VBP1: variants seen among roughly 807,000 people sequenced by gnomAD.
VBP1 encodes the protein VHL binding protein 1.
VBP1 carries 4 observed loss-of-function variants against 15.5 expected under a neutral mutation model. The ratio of observed to expected loss-of-function variants is 0.26; its 90% CI spans 0.13 to 0.59. The LOEUF is 0.59. Ranked by LOEUF, VBP1 falls within the 20% of genes least tolerant of loss-of-function variation. VBP1 has a pLI of 0.90. For missense variants in VBP1, 108 were observed against 139.6 expected, an observed-to-expected ratio of 0.77 and a Z score of 1.14; for synonymous variants, 61 against 52.1, an observed-to-expected ratio of 1.17 and a Z score of -0.74.
chrX:155,223,816 C>T (rs1273305788), intron 2 of VBP1, among the ~76,000 whole-genome samples: 3 of 104,651 alleles, frequency 2.9e-5, no homozygotes, highest in African/African-American at 1.1e-4. Flanking sequence ...GGCGGCTGGC[C>T]GGGCGGGGGC....
Position 155,227,357 on chromosome X carries a change from C to T in VBP1, c.285+56C>T, listed in dbSNP as rs979088294. 7 of 920,553 alleles carry T rather than the reference C, an allele frequency of 7.6e-6. No individual in the cohort carries two copies. In the African/African-American group the frequency reaches 8.3e-5, roughly 11 times the overall value. 75.9% of individuals were successfully genotyped at this position (920,553 alleles called of 1,213,427 possible). ...AAGCTAGGATATGTCAGCAGAAACT[C>T]GTCTTCTTTGACTCTTTGGTCACTG... is the stretch of plus-strand genomic sequence containing the variant. On this transcript the variant is annotated intron_variant, in intron 3 of 5. Coordinates refer to ENST00000286428, the MANE Select transcript of VBP1 (RefSeq NM_003372.7).
At chrX:155,234,142 A>G (rs1357530863) in intron 4 of VBP1, among the ~76,000 whole-genome samples, 2 of 67,486 alleles carry the variant, frequency 3.0e-5, no homozygotes, top group Admixed American at 2.3e-4. Flanking sequence ...TTTTTTTGAG[A>G]CAGAGTCTTG....
At chrX:155,200,815 C>T (rs1307365570) in intron 1 of VBP1, among the ~76,000 whole-genome samples, 1 of 110,567 alleles carries the variant, frequency 9.0e-6, no homozygotes, top group Non-Finnish European at 1.9e-5. Context: ...GTTAATGAAT[C>T]CAGGAGATGG....
At chrX:155,230,326 T>G (rs2074739538) in intron 4 of VBP1, among the ~76,000 whole-genome samples, 1 of 111,881 alleles carries the variant, frequency 8.9e-6, no homozygotes, top group South Asian at 3.8e-4. Context: ...TCTGAGCTAC[T>G]GGGGGTTAGT....
rs1557307385 is a variant in VBP1, at chrX:155,201,212, A to G, written c.-31+4073A>G. On this transcript the variant is annotated intron_variant, in intron 1 of 6. Transcript: ENST00000535916. ...AGGAACTGGTACCATTCCTTCTGAA[A>G]CTATTCCAATCAATAGAAAAAGAAG... 2.7e-5 allele frequency among the ~76,000 whole-genome samples: 3 copies of G among 110,691 alleles called. No individual in the cohort carries two copies. The South Asian group carries it at 1.2e-3, about 43-fold the overall frequency.
chrX:155,204,289 G>A (rs2074618652), intron 1 of VBP1, among the ~76,000 whole-genome samples: 1 of 110,851 alleles, frequency 9.0e-6, no homozygotes, highest in Admixed American at 9.6e-5. Flanking sequence ...GGTAGCTGGG[G>A]TTACAGGCGT....
rs188689402 is a variant in VBP1, at chrX:155,239,297, C to G, written c.*455C>G. 1 of 112,536 alleles carries G rather than the reference C, an allele frequency of 8.9e-6. No homozygotes were observed. The highest frequency in any genetic ancestry group is 3.2e-5 in the African/African-American group (1 of 30,847). The allele number at this position is 112,536 out of a possible 1,213,427, so 9.3% of individuals were successfully genotyped here. On this transcript the variant is annotated 3_prime_UTR_variant, in exon 6 of 6. Transcript: ENST00000286428. Reference sequence around the variant, plus strand: ...TTTAGGACTTAGTGGTCCTCTGTTGCTATTGTCTTCTATAAGTGGAGTTTC... The same window carrying G: ...TTTAGGACTTAGTGGTCCTCTGTTGGTATTGTCTTCTATAAGTGGAGTTTC...
At chrX:155,231,992 A>G (rs1255171694) in intron 4 of VBP1, among the ~76,000 whole-genome samples, 14 of 112,134 alleles carry the variant, frequency 1.2e-4, no homozygotes, top group African/African-American at 4.2e-4. Context: ...TAACATGTTG[A>G]TGGATACTAT....
chrX:155,222,204 C>T (rs1195166213), intron 2 of VBP1, among the ~76,000 whole-genome samples: 4 of 112,620 alleles, frequency 3.6e-5, no homozygotes, highest in Non-Finnish European at 5.6e-5. Flanking sequence ...TGCCTTGGGG[C>T]GGGGTGCAGT....
chrX:155,213,925 A>G (rs1008559413), upstream of VBP1, among the ~76,000 whole-genome samples: 22 of 112,360 alleles, frequency 2.0e-4, no homozygotes, highest in African/African-American at 6.5e-4. Flanking sequence ...CCAACTCGAC[A>G]TGGATTGAAA....
At chrX:155,204,067 T>A (rs967827616) in intron 1 of VBP1, among the ~76,000 whole-genome samples, 5 of 112,264 alleles carry the variant, frequency 4.5e-5, no homozygotes, top group Admixed American at 9.4e-5. Flanking sequence ...CTTGTTTTAT[T>A]TAGGCTCTGC....
At chrX:155,202,230 T>A (rs1252553861) in intron 1 of VBP1, among the ~76,000 whole-genome samples, 4 of 111,779 alleles carry the variant, frequency 3.6e-5, no homozygotes, top group Non-Finnish European at 7.5e-5. Context: ...AAGCTACCAA[T>A]GACTTTCTTC....
At chrX:155,209,040 G>T (rs1348861484) in intron 2 of VBP1, 14 of 1,043,192 alleles carry the variant, frequency 1.3e-5, no homozygotes, top group Non-Finnish European at 1.8e-5. Flanking sequence ...ACTGGAGGCA[G>T]GATCAGTGTT....
chrX:155,211,658 T>C (rs886186520), upstream of VBP1, among the ~76,000 whole-genome samples: 2 of 112,419 alleles, frequency 1.8e-5, no homozygotes, highest in South Asian at 3.7e-4. Context: ...TGCAATATCA[T>C]GGGGCTCCAA....
At chrX:155,235,417 G>C (rs968078204) in intron 4 of VBP1, among the ~76,000 whole-genome samples, 20 of 111,268 alleles carry the variant, frequency 1.8e-4, no homozygotes, top group African/African-American at 4.9e-4. Flanking sequence ...ACAATCCTTT[G>C]AGTAATTTTA....
intron 2 of VBP1, among the ~76,000 whole-genome samples, chrX:155,210,349 G>A (rs1557308421): frequency 8.9e-6 from 1 of 111,850 alleles, no homozygotes; most frequent in Non-Finnish European, 1.9e-5. Flanking sequence ...AGCCACTCGG[G>A]AGGCTGAGGC....
chrX:155,200,735 C>A (rs1438689581), intron 1 of VBP1, among the ~76,000 whole-genome samples: 1 of 107,015 alleles, frequency 9.3e-6, no homozygotes, highest in Non-Finnish European at 1.9e-5. Context: ...CAAAAGCTAG[C>A]AGAAGGCAAG....
At chrX:155,232,413 C>T (rs1038182987) in intron 4 of VBP1, among the ~76,000 whole-genome samples, 3 of 111,331 alleles carry the variant, frequency 2.7e-5, no homozygotes, top group Non-Finnish European at 5.7e-5. Context: ...TAACAGTGTA[C>T]TCCTTTCACC....
chrX:155,211,725 A>G (rs1382986367), upstream of VBP1, among the ~76,000 whole-genome samples: 2 of 112,259 alleles, frequency 1.8e-5, no homozygotes, highest in East Asian at 5.6e-4. Flanking sequence ...TGTATATGTG[A>G]AGAATAGCCC....
Sources: gnomAD v4.1 joint callset for allele counts (sites outside exome capture counted in the v4.1 genomes callset) on GRCh38, gnomAD v4.1.1 for gene constraint, MANE v1.5 for transcripts, NCBI Gene and HGNC (gene_info 2026-07-23, HGNC 2026-07-21) for gene names.